Variants in CPNE8 observed in about 807,000 individuals in gnomAD.
The protein encoded by CPNE8 is copine-8.
CPNE8 carries 45 observed loss-of-function variants against 81.5 expected under a neutral mutation model. The observed-to-expected ratio is 0.55, with a 90% CI of 0.44 to 0.71. The LOEUF (loss-of-function observed/expected upper bound fraction) is 0.71. Among genes scored for constraint, CPNE8 ranks in the 30% least tolerant of loss-of-function variants. CPNE8 has a pLI of 0.00. For missense variants in CPNE8, 594 were observed against 672.1 expected (o/e 0.88, Z 1.28); for synonymous variants, 252 against 226.3 (o/e 1.11, Z -1.02).
At chr12:38,755,272 A>AGCGGG (rs1181632440) in intron 10 of CPNE8, among the ~76,000 whole-genome samples, 1 of 152,156 alleles carries the variant, frequency 6.6e-6, no homozygotes, top group Non-Finnish European at 1.5e-5. Flanking sequence ...TCTGTTCACA[A>AGCGGG]GCGGGGATTT....
intron 4 of CPNE8, among the ~76,000 whole-genome samples, chr12:38,847,765 T>C (rs1009277728): frequency 1.3e-5 from 2 of 152,188 alleles, no homozygotes; most frequent in African/African-American, 4.8e-5. Flanking sequence ...TCAAATAAGA[T>C]GTTGATAGCT....
At chr12:38,833,479 C>CTT (rs543470951) in intron 5 of CPNE8, among the ~76,000 whole-genome samples, 2,242 of 130,660 alleles carry the variant, frequency 0.017, 81 homozygotes, top group African/African-American at 0.051. Context: ...TGAAATTAAC[C>CTT]TTTTTTTTTT....
At chr12:38,748,068 T>C (rs1167673543) in intron 10 of CPNE8, among the ~76,000 whole-genome samples, 1 of 152,178 alleles carries the variant, frequency 6.6e-6, no homozygotes, top group Non-Finnish European at 1.5e-5. Context: ...TGGAGTGCAA[T>C]GGCGCGATCT....
At chr12:38,662,583 T>C (rs577202445) in intron 19 of CPNE8, among the ~76,000 whole-genome samples, 1 of 152,234 alleles carries the variant, frequency 6.6e-6, no homozygotes, top group East Asian at 1.9e-4. Context: ...TCTACAGATT[T>C]AAAGTAATAC....
intron 13 of CPNE8, among the ~76,000 whole-genome samples, chr12:38,711,013 TG>T (rs1940242831): frequency 6.6e-6 from 1 of 152,172 alleles, no homozygotes; most frequent in Non-Finnish European, 1.5e-5. Flanking sequence ...AATAGCAAAG[TG>T]TGTTGTCTAC....
intron 9 of CPNE8, 41 bp downstream of exon 9, chr12:38,762,071 A>G (rs748672309): frequency 3.8e-6 from 4 of 1,056,818 alleles, no homozygotes; most frequent in African/African-American, 1.6e-5. Context: ...AGATTTTTTT[A>G]AAAGTTATTT....
At chr12:38,674,776 C>T (rs1044990202) in intron 18 of CPNE8, among the ~76,000 whole-genome samples, 4 of 152,108 alleles carry the variant, frequency 2.6e-5, no homozygotes, top group African/African-American at 7.2e-5. Context: ...CTTTATTATT[C>T]TCATGCAGGA....
chr12:38,707,766 A>G (rs922864067), intron 13 of CPNE8, among the ~76,000 whole-genome samples: 3 of 152,190 alleles, frequency 2.0e-5, no homozygotes, highest in African/African-American at 7.2e-5. Flanking sequence ...TTCAGCTCAG[A>G]AGGAAAATAT....
At chr12:38,715,878 G>A (rs371256876) in intron 13 of CPNE8, among the ~76,000 whole-genome samples, 2 of 151,928 alleles carry the variant, frequency 1.3e-5, no homozygotes, top group South Asian at 2.1e-4. Flanking sequence ...TGATATGACC[G>A]TATATCTAGA....
intron 14 of CPNE8, among the ~76,000 whole-genome samples, chr12:38,694,530 T>G (rs1939751473): frequency 6.6e-6 from 1 of 152,152 alleles, no homozygotes; most frequent in African/African-American, 2.4e-5. Flanking sequence ...TAAAGCACCA[T>G]AAAATTGTAA....
intron 8 of CPNE8, among the ~76,000 whole-genome samples, chr12:38,767,015 C>T (rs971212148): frequency 3.9e-5 from 6 of 152,036 alleles, no homozygotes; most frequent in African/African-American, 1.4e-4. Context: ...ATCTAGACAA[C>T]AGAAATTAGC....
chr12:38,696,727 A>G (rs1939807195), intron 14 of CPNE8, among the ~76,000 whole-genome samples: 5 of 152,202 alleles, frequency 3.3e-5, no homozygotes, highest in Non-Finnish European at 7.3e-5. Context: ...ACATAATGGC[A>G]TAAGTTACGT....
Position 38,902,270 on chromosome 12 carries a change from A to AAAAAGAAAGAAAGAAAAAG in CPNE8, c.98+3166_98+3167insCTTTTTCTTTCTTTCTTTT, listed in dbSNP as rs1565669820. Among the ~76,000 whole-genome samples, 443 of 117,430 alleles carry AAAAAGAAAGAAAGAAAAAG rather than the reference A, an allele frequency of 3.8e-3. 17 individuals are homozygous for AAAAAGAAAGAAAGAAAAAG. Among genetic ancestry groups the AAAAAGAAAGAAAGAAAAAG allele is most frequent in the African/African-American group, 0.014 (336 of 24,744 alleles). 77.0% of individuals were successfully genotyped at this position (117,430 alleles called of 152,430 possible). A position where few individuals can be genotyped will look rare whatever the true frequency, so the allele number is the denominator to read the frequency against. Reference sequence around the variant, plus strand: ...GAAAGAAAGAAAAAAGAAAGAAAGAAAAAGAAAAGAAAGAAGGAAGGAAGG... The same window carrying AAAAAGAAAGAAAGAAAAAG: ...GAAAGAAAGAAAAAAGAAAGAAAGAAAAAAGAAAGAAAGAAAAAGAAAGAAAAGAAAGAAGGAAGGAAGG... On this transcript the variant is annotated intron_variant, in intron 1 of 19. Transcript: ENST00000331366.
In CPNE8 at chr12:38,685,515, C is replaced by A. The variant is rs1209549921; in HGVS notation, c.1246G>T (p.Ala416Ser). 2 of 1,613,208 alleles carry A rather than the reference C, an allele frequency of 1.2e-6. No homozygotes were observed. Among genetic ancestry groups the A allele is most frequent in the African/African-American group, 1.3e-5 (1 of 74,862 alleles). The change falls in exon 16 of 20, where the codon GCT (alanine) becomes TCT (serine). Residue 416 changes from alanine (A) to serine (S), a missense_variant. By Grantham distance (99) the Ala-to-Ser change is moderately conservative (BLOSUM62 1). Transcript: ENST00000331366. The stretch of plus-strand genomic sequence containing the variant: ...CTTGCTACATGATTAATTACAGGAG[C>A]AAAGTTGGTGGGCCCATATAGTTGT... The part of the protein sequence containing the change: ...SVQLYGPTNF[A>S]PVINHVARYA...
intron 10 of CPNE8, among the ~76,000 whole-genome samples, chr12:38,744,391 C>G (rs1045240668): frequency 1.3e-5 from 2 of 152,138 alleles, no homozygotes; most frequent in African/African-American, 4.8e-5. Flanking sequence ...TTAAATTCAC[C>G]CATTCAAAAT....
In CPNE8 at chr12:38,731,513, G is replaced by GA. The variant is rs561006378; in HGVS notation, c.723-1156dup. Reference sequence around the variant, plus strand: ...AAATGTTTTTAAAGAACTTATTTGAGAAAAAACTTACTTAGGTATCCAGTC... The same window carrying GA: ...AAATGTTTTTAAAGAACTTATTTGAGAAAAAAACTTACTTAGGTATCCAGTC... On this transcript the variant is annotated intron_variant, in intron 10 of 19. Transcript: ENST00000331366. Among the ~76,000 whole-genome samples, 110 of 151,890 alleles carry GA rather than the reference G, an allele frequency of 7.2e-4. 2 individuals carry two copies. The South Asian group carries it at 0.022, about 30-fold the overall frequency.
chr12:38,824,691 AAGATAAAT>A (rs967976582), intron 6 of CPNE8, among the ~76,000 whole-genome samples: 4 of 152,216 alleles, frequency 2.6e-5, no homozygotes, highest in Non-Finnish European at 2.9e-5. Flanking sequence ...AATGCTACTT[AAGATAAAT>A]AACATTTGGG....
intron 10 of CPNE8, among the ~76,000 whole-genome samples, chr12:38,752,387 C>A (rs1424110985): frequency 1.3e-5 from 2 of 152,166 alleles, no homozygotes; most frequent in Non-Finnish European, 2.9e-5. Context: ...GATAATTAGT[C>A]ACTGCTCACC....
At chr12:38,708,376 T>TAA (rs138659020) in intron 13 of CPNE8, among the ~76,000 whole-genome samples, 58 of 150,092 alleles carry the variant, frequency 3.9e-4, no homozygotes, top group Non-Finnish European at 7.3e-4. Context: ...CGTGTCAAAG[T>TAA]AAAAAAAAAA....
Sources: allele counts gnomAD v4.1 joint callset (sites outside exome capture counted in the v4.1 genomes callset), GRCh38; gene constraint gnomAD v4.1.1; transcripts MANE v1.5; gene names NCBI Gene and HGNC (gene_info 2026-07-23, HGNC 2026-07-21).